The following ATAD2 variants were observed in gnomAD, a reference collection of about 807,000 sequenced individuals.
ATAD2 encodes ATPase family AAA domain-containing protein 2.
A neutral mutation model predicts 168.9 loss-of-function variants in ATAD2; 62 were observed. The observed-to-expected ratio is 0.37, with a 90% CI of 0.30 to 0.45. The LOEUF (loss-of-function observed/expected upper bound fraction) is 0.45, where lower values mean the gene tolerates loss of function less well. Ranked by LOEUF, ATAD2 falls within the 20% of genes least tolerant of loss-of-function variation. The pLI is 1.00. For synonymous variants in ATAD2, 613 were observed against 571.6 expected, an observed-to-expected ratio of 1.07 and a Z score of -1.03; for missense variants, 1,419 against 1,667.8, an observed-to-expected ratio of 0.85 and a Z score of 2.60.
intron 2 of ATAD2, among the ~76,000 whole-genome samples, chr8:123,374,817 A>T (rs1781230023): frequency 6.6e-6 from 1 of 152,206 alleles, no homozygotes; most frequent in Non-Finnish European, 1.5e-5. Context: ...AAGTTTAAAC[A>T]TTACTTCAGA....
intron 13 of ATAD2, among the ~76,000 whole-genome samples, chr8:123,355,286 T>C (rs1426434886): frequency 6.6e-6 from 1 of 152,234 alleles, no homozygotes; most frequent in East Asian, 1.9e-4. Flanking sequence ...CTTATTCATC[T>C]ACATTATCTA....
At chr8:123,400,701 A>G, upstream of ATAD2, 1 of 746,258 alleles carries the variant, frequency 1.3e-6, no homozygotes, top group South Asian at 1.3e-5. The surrounding 1 kb of genome is among the most constrained non-coding windows in gnomAD (Gnocchi z 4.5). Flanking sequence ...CAGGATTCAT[A>G]GACTTCATAG....
Position 123,325,912 on chromosome 8 carries a change from A to G in ATAD2, c.3983T>C (p.Val1328Ala). Reference sequence around the variant, plus strand: ...ACATACTTTTAATCGCTCATGATCCACAACAAGTGAGGGTGTAGGCTGAGA... The same window carrying G: ...ACATACTTTTAATCGCTCATGATCCGCAACAAGTGAGGGTGTAGGCTGAGA... ...ILSQPTPSLVVDHERLKNLLK... is the reference protein window; with the variant it reads ...ILSQPTPSLVADHERLKNLLK... Residue 1328 changes from valine (V) to alanine (A), a missense_variant, in exon 26 of 28, where the codon GTG becomes GCG. Transcript: ENST00000287394. 6.2e-7 allele frequency: 1 copy of G among 1,614,126 alleles called. No individual in the cohort carries two copies. The highest frequency in any genetic ancestry group is 8.5e-7 in the Non-Finnish European group (1 of 1,180,010).
intron 26 of ATAD2, among the ~76,000 whole-genome samples, chr8:123,323,944 TA>T (rs1208001988): frequency 1.3e-5 from 2 of 152,220 alleles, no homozygotes; most frequent in Admixed American, 6.5e-5. Flanking sequence ...CATACATGTA[TA>T]CTGAGCAGAA....
At chr8:123,363,124 G>A (rs1828872728) in intron 8 of ATAD2, among the ~76,000 whole-genome samples, 1 of 152,166 alleles carries the variant, frequency 6.6e-6, no homozygotes, top group African/African-American at 2.4e-5. Flanking sequence ...GAGTCAGAGT[G>A]CAATGATGGT....
upstream of ATAD2, chr8:123,400,638 G>A: frequency 3.0e-6 from 2 of 666,690 alleles, no homozygotes; most frequent in Non-Finnish European, 5.6e-6. The surrounding 1 kb of genome is among the most constrained non-coding windows in gnomAD (Gnocchi z 4.5). Context: ...TCACCACGCA[G>A]CAGCTCTTCG....
At position 123,402,204 on chromosome 8, in the gene ATAD2, C is replaced by A; in HGVS notation, c.-2281-1029G>T. 3.2e-6 allele frequency: 2 copies of A among 627,668 alleles called. No individual in the cohort carries two copies. The highest frequency in any genetic ancestry group is 5.8e-6 in the Non-Finnish European group (2 of 345,264). The allele number at this position is 627,668 out of a possible 1,614,324, so 38.9% of individuals were successfully genotyped here. On this transcript the variant is annotated intron_variant, in intron 1 of 28. Coordinates refer to the ATAD2 transcript ENST00000521903. This position sits in a 1 kb window ranked among gnomAD's most constrained non-coding sequence, Gnocchi z 4.8. The stretch of plus-strand genomic sequence containing the variant: ...TCACTGAGTGGTCCACAGATTTGCA[C>A]TACGGGTTCCCCAGCTCCTTTCCAG...
At chr8:123,344,701 C>T (rs750872535) in intron 19 of ATAD2, 183 bp downstream of exon 19, 11 of 642,242 alleles carry the variant, frequency 1.7e-5, no homozygotes, top group Non-Finnish European at 2.4e-5. Flanking sequence ...TATACATACA[C>T]ATATACATAT....
At chr8:123,333,055 G>C (rs550607115) in intron 24 of ATAD2, among the ~76,000 whole-genome samples, 1 of 151,488 alleles carries the variant, frequency 6.6e-6, no homozygotes, top group African/African-American at 2.4e-5. Flanking sequence ...AGCAAACACC[G>C]CTAACCCTAA....
Position 123,370,037 on chromosome 8 carries a change from G to T in ATAD2, c.728-13C>A, listed in dbSNP as rs756726651. The stretch of plus-strand genomic sequence containing the variant: ...TCTTCAGATGACTCTACAATTAAGA[G>T]ATCCTTACTTCCAGAAAGATACTCA... On this transcript the variant is annotated splice_polypyrimidine_tract_variant and intron_variant, in intron 6 of 27. Transcript: ENST00000287394. The T allele has an allele frequency of 1.7e-5, 27 of 1,592,976 alleles. No individual in the cohort carries two copies. Among genetic ancestry groups the T allele is most frequent in the Admixed American group, 1.5e-4 (9 of 59,452 alleles).
chr8:123,382,457 T>C (rs1298481294), intron 1 of ATAD2, among the ~76,000 whole-genome samples: 1 of 152,214 alleles, frequency 6.6e-6, no homozygotes, highest in Non-Finnish European at 1.5e-5. Context: ...TTAAGACAAA[T>C]ATTTACATCT....
chr8:123,329,358 G>GA (rs1199886851), intron 24 of ATAD2, among the ~76,000 whole-genome samples: 1 of 151,796 alleles, frequency 6.6e-6, no homozygotes, highest in African/African-American at 2.4e-5. Flanking sequence ...GGGCTCAAGC[G>GA]ATCCTCCTAA....
intron 26 of ATAD2, among the ~76,000 whole-genome samples, chr8:123,325,432 G>A (rs1827586878): frequency 6.6e-6 from 1 of 151,968 alleles, no homozygotes; most frequent in Non-Finnish European, 1.5e-5. Flanking sequence ...ACAGGCACCA[G>A]CCACCACGCC....
At chr8:123,344,763 G>C in intron 19 of ATAD2, 121 bp downstream of exon 19, 1 of 1,095,162 alleles carries the variant, frequency 9.1e-7, no homozygotes, top group South Asian at 1.4e-5. Context: ...TGGTATATTT[G>C]ATAAGAAAAC....
chr8:123,359,452 C>T (rs1161504517), intron 10 of ATAD2, 116 bp from the exon 11 acceptor site: 9 of 1,227,264 alleles, frequency 7.3e-6, no homozygotes, highest in Non-Finnish European at 1.1e-5. Flanking sequence ...TGAAGATTAA[C>T]AGAAAACGTC....
rs187360340 is a variant in ATAD2, at chr8:123,378,277, C to T, written c.320+2252G>A. On this transcript the variant is annotated intron_variant, in intron 2 of 27. Coordinates refer to ENST00000287394, the MANE Select transcript of ATAD2 (RefSeq NM_014109.4). ...TTCATAAAATACAGTATAAAACACT[C>T]CATAAATAATGGATAAGACGCAAAT... Among the ~76,000 whole-genome samples, 3 of 151,636 alleles carry T rather than the reference C, an allele frequency of 2.0e-5. No homozygotes were observed. In the East Asian group the frequency reaches 5.8e-4, roughly 29 times the overall value.
chr8:123,390,142 C>G (rs1829786353), intron 1 of ATAD2, among the ~76,000 whole-genome samples: 1 of 151,326 alleles, frequency 6.6e-6, no homozygotes, highest in Non-Finnish European at 1.5e-5. Flanking sequence ...CCACATCCGG[C>G]TAATTTTTGT....
chr8:123,337,617 A>C lies in ATAD2; in HGVS notation c.3051+8T>G. ...AGAATACACTTGATCCAAAGATTAA[A>C]CTAATACCTCATCAGGGTCAACAGG... On this transcript the variant is annotated splice_region_variant and intron_variant, in intron 21 of 27. Coordinates refer to ENST00000287394, the MANE Select transcript of ATAD2 (RefSeq NM_014109.4). 9 of 1,588,790 alleles carry C rather than the reference A, an allele frequency of 5.7e-6. No individual in the cohort carries two copies. The highest frequency in any genetic ancestry group is 7.7e-6 in the Non-Finnish European group (9 of 1,168,528).
intron 1 of ATAD2, among the ~76,000 whole-genome samples, chr8:123,389,534 G>A (rs1829751291): frequency 6.6e-6 from 1 of 151,512 alleles, no homozygotes; most frequent in African/African-American, 2.4e-5. Context: ...CAGCTACTCA[G>A]GAGGCTGAGG....
Sources: allele counts gnomAD v4.1 joint callset (sites outside exome capture counted in the v4.1 genomes callset), GRCh38; gene constraint gnomAD v4.1.1; non-coding constraint Gnocchi (gnomAD v3.1); transcripts MANE v1.5; gene names NCBI Gene and HGNC (gene_info 2026-07-23, HGNC 2026-07-21).